Variants in LHCGR observed in about 807,000 individuals in gnomAD.
LHCGR encodes lutropin-choriogonadotropic hormone receptor.
LHCGR carries 55 observed loss-of-function variants against 60.7 expected under a neutral mutation model. That is an observed-to-expected ratio of 0.91 (90% CI 0.73 to 1.13). LHCGR has a LOEUF of 1.13. Among genes scored for constraint, LHCGR ranks in the 50% most tolerant of loss-of-function variants. The pLI, the probability that LHCGR is intolerant of heterozygous loss-of-function variation, is 0.00. For missense variants in LHCGR, 862 were observed against 836.0 expected (o/e 1.03, Z -0.38); for synonymous variants, 337 against 316.5 (o/e 1.06, Z -0.69).
At chr2:48,714,287 A>G (rs537682987) in intron 6 of LHCGR, among the ~76,000 whole-genome samples, 1 of 152,252 alleles carries the variant, frequency 6.6e-6, no homozygotes, top group African/African-American at 2.4e-5. Flanking sequence ...TTTCCATTAT[A>G]CCGACAAGAA....
chr2:48,735,009 A>G (rs1051205091), intron 1 of LHCGR, among the ~76,000 whole-genome samples: 4 of 152,242 alleles, frequency 2.6e-5, no homozygotes, highest in Admixed American at 2.6e-4. Flanking sequence ...ATATTTTCAC[A>G]GTCTTTTTTG....
intron 8 of LHCGR, among the ~76,000 whole-genome samples, chr2:48,704,387 G>A (rs1277540335): frequency 6.6e-6 from 1 of 152,172 alleles, no homozygotes; most frequent in Non-Finnish European, 1.5e-5. Flanking sequence ...TTAGTATCAG[G>A]ATGATGCTGG....
At chr2:48,731,425 T>G in intron 1 of LHCGR, 127 bp from the exon 2 acceptor site, 1 of 683,926 alleles carries the variant, frequency 1.5e-6, no homozygotes, top group Non-Finnish European at 2.6e-6. Context: ...AGAACTGGAT[T>G]CAGGCTGAGG....
chr2:48,752,307 G>A, intron 1 of LHCGR, among the ~76,000 whole-genome samples: 1 of 152,010 alleles, frequency 6.6e-6, no homozygotes, highest in East Asian at 1.9e-4. Flanking sequence ...TTTGGATGGA[G>A]GTCTTAGAAG....
At chr2:48,700,483 C>G (rs1667354171) in intron 8 of LHCGR, among the ~76,000 whole-genome samples, 1 of 151,956 alleles carries the variant, frequency 6.6e-6, no homozygotes, top group Non-Finnish European at 1.5e-5. Flanking sequence ...GTCTGTAGTG[C>G]CCACAGTCAC....
At chr2:48,724,660 G>C (rs1668641731) in intron 4 of LHCGR, among the ~76,000 whole-genome samples, 1 of 152,178 alleles carries the variant, frequency 6.6e-6, no homozygotes, top group Non-Finnish European at 1.5e-5. Flanking sequence ...GATAATAAGA[G>C]GCTGCAGTGG....
rs537202144 is a variant in LHCGR at position 48,733,548 on chromosome 2, G to A, written c.162-2250C>T. On this transcript the variant is annotated intron_variant, in intron 1 of 10. Transcript: ENST00000294954. ...CAGGAAAGGCAGCAGTGGGGAGAGT[G>A]AAACTAGAGCCTCCCCTATAAAAGA... 9.9e-5 allele frequency among the ~76,000 whole-genome samples: 15 copies of A among 152,274 alleles called. No homozygotes were observed. In the South Asian group the frequency reaches 2.3e-3, roughly 23 times the overall value.
At chr2:48,699,576 G>T (rs1667308311) in intron 8 of LHCGR, among the ~76,000 whole-genome samples, 1 of 152,230 alleles carries the variant, frequency 6.6e-6, no homozygotes, top group Non-Finnish European at 1.5e-5. Flanking sequence ...TGCAGGAGAG[G>T]TTTTCATGAA....
intron 6 of LHCGR, chr2:48,720,079 A>C (rs1267609782): frequency 6.6e-6 from 1 of 152,182 alleles, no homozygotes; most frequent in African/African-American, 2.4e-5. Context: ...CTCAATCTTT[A>C]TTAACTTCAG....
chr2:48,706,204 G>A (rs1667660000), intron 8 of LHCGR, among the ~76,000 whole-genome samples: 2 of 152,306 alleles, frequency 1.3e-5, no homozygotes, highest in South Asian at 4.1e-4. Context: ...TTTTCTTTAA[G>A]AATGTTGAAT....
intron 1 of LHCGR, among the ~76,000 whole-genome samples, chr2:48,751,901 AT>A (rs1261769820): frequency 6.6e-6 from 1 of 152,202 alleles, no homozygotes; most frequent in African/African-American, 2.4e-5. Context: ...TATTATTAGC[AT>A]TTTCTTACTA....
Position 48,729,659 on chromosome 2 carries a change from A to T in LHCGR, c.234-432T>A, listed in dbSNP as rs368845549. ...TGGATCTCTGGGTCCCAATTCTGTC[A>T]CTCTAGTGAGGCTTTAATATGGATT... On this transcript the variant is annotated intron_variant, in intron 2 of 10. Transcript: ENST00000294954. Among the ~76,000 whole-genome samples, 9 of 152,126 alleles carry T rather than the reference A, an allele frequency of 5.9e-5. No individual in the cohort carries two copies. In the East Asian group the frequency reaches 1.4e-3, roughly 23 times the overall value.
rs562744127 is a variant in LHCGR at position 48,693,759 on chromosome 2, G to A, written c.947+465C>T. On this transcript the variant is annotated intron_variant, in intron 10 of 10. Transcript: ENST00000294954. ...GCTTCCATCCAGTGTATGTGGTAGC[G>A]ATAGCATTAAGACTCATTTTAAGCT... Among the ~76,000 whole-genome samples, 24 of 152,316 alleles carry A rather than the reference G, an allele frequency of 1.6e-4. 2 individuals are homozygous for A. The highest frequency in any genetic ancestry group is 3.8e-4 in the African/African-American group (16 of 41,584).
At chr2:48,690,997 T>C (rs1014353509) in intron 10 of LHCGR, among the ~76,000 whole-genome samples, 1 of 152,200 alleles carries the variant, frequency 6.6e-6, no homozygotes, top group Non-Finnish European at 1.5e-5. Context: ...ACAGGGACAA[T>C]GAGCACACAG....
chr2:48,730,623 A>G (rs1160976070), intron 2 of LHCGR, among the ~76,000 whole-genome samples: 3 of 152,168 alleles, frequency 2.0e-5, no homozygotes, highest in African/African-American at 7.2e-5. Flanking sequence ...AGATGCTGGA[A>G]TACTGGGCCC....
chr2:48,694,425 T>C, intron 9 of LHCGR, 121 bp from the exon 10 acceptor site: 1 of 694,912 alleles, frequency 1.4e-6, no homozygotes, highest in Non-Finnish European at 2.6e-6. Flanking sequence ...CATCTCGTTC[T>C]GCACCATTGT....
intron 8 of LHCGR, among the ~76,000 whole-genome samples, chr2:48,708,584 A>G (rs1667815880): frequency 6.6e-6 from 1 of 152,118 alleles, no homozygotes; most frequent in Non-Finnish European, 1.5e-5. Flanking sequence ...GCACACACAT[A>G]CACAATGTAC....
At chr2:48,689,387 G>A (rs562333789) in intron 10 of LHCGR, among the ~76,000 whole-genome samples, 1 of 152,038 alleles carries the variant, frequency 6.6e-6, no homozygotes, top group Non-Finnish European at 1.5e-5. Flanking sequence ...CAAGCTGTTC[G>A]TATGTAGTAG....
Position 48,723,976 on chromosome 2 carries a change from T to C in LHCGR, c.384-280A>G, listed in dbSNP as rs561916371. Among the ~76,000 whole-genome samples the C allele has an allele frequency of 7.0e-4, 107 of 152,324 alleles. 1 individual carries two copies. The highest frequency in any genetic ancestry group is 2.5e-3 in the African/African-American group (105 of 41,574). Reference sequence around the variant, plus strand: ...TAAAGGTCTTTTTCATTTATATTTGTAGCCTGTCTTTTCTTATTAAATCAA... The same window carrying C: ...TAAAGGTCTTTTTCATTTATATTTGCAGCCTGTCTTTTCTTATTAAATCAA... On this transcript the variant is annotated intron_variant, in intron 4 of 10. Coordinates refer to ENST00000294954, the MANE Select transcript of LHCGR (RefSeq NM_000233.4).
Sources: allele counts gnomAD v4.1 joint callset (sites outside exome capture counted in the v4.1 genomes callset), GRCh38; gene constraint gnomAD v4.1.1; transcripts MANE v1.5; gene names NCBI Gene and HGNC (gene_info 2026-07-23, HGNC 2026-07-21).